WRN: variants seen among roughly 807,000 people sequenced by gnomAD.
The protein encoded by WRN is bifunctional 3'-5' exonuclease/ATP-dependent helicase WRN.
A neutral mutation model predicts 180.7 loss-of-function variants in WRN; 149 were observed. The ratio of observed to expected loss-of-function variants is 0.82; its 90% CI spans 0.72 to 0.94. The LOEUF (loss-of-function observed/expected upper bound fraction) is 0.94, where lower values mean the gene tolerates loss of function less well. WRN is among the 40% of genes least tolerant of loss of function. The pLI is 0.00. For synonymous variants in WRN, 548 were observed against 568.9 expected (o/e 0.96, Z 0.52); for missense variants, 1,661 against 1,700.1 (o/e 0.98, Z 0.40).
intron 31 of WRN, among the ~76,000 whole-genome samples, chr8:31,153,650 T>C (rs1007542646): frequency 5.9e-5 from 9 of 152,178 alleles, no homozygotes; most frequent in Non-Finnish European, 1.0e-4. Context: ...TTTTATTGCC[T>C]TGGGTCAGAT....
chr8:31,064,247 A>C, intron 3 of WRN, 42 bp from the exon 4 acceptor site: 2 of 1,611,264 alleles, frequency 1.2e-6, no homozygotes, highest in Non-Finnish European at 8.5e-7. Context: ...AGAAGTTTAA[A>C]ATTTTAACAT....
At position 31,141,598 on chromosome 8, in the gene WRN, AAG is replaced by A. The variant is rs1340330118; in HGVS notation, c.3137_3138del (p.Lys1046ArgfsTer2). ...TATGAAGATTTGCGCCCTTACGAAA[AAG>A]GTAAACGGTGTAGGAGTCTGCCTGT... Reference protein sequence around the residue: ...KFMKICALTKKGRNWLHKANT... With the variant: ...KFMKICALTKXGRNWLHKANT... On this transcript the variant is annotated frameshift_variant and splice_region_variant, in exon 25 of 35. Coordinates refer to ENST00000298139, the MANE Select transcript of WRN (RefSeq NM_000553.6). LOFTEE classifies it high-confidence loss of function. The A allele has an allele frequency of 6.2e-7, 1 of 1,614,132 alleles. No individual in the cohort carries two copies. The highest frequency in any genetic ancestry group is 1.7e-5 in the Admixed American group (1 of 60,012).
At position 31,142,644 on chromosome 8, in the gene WRN, G is replaced by C. The variant is rs1487621362; in HGVS notation, c.3252G>C (p.Ser1084=). The change falls in exon 27 of 35, where the codon TCG becomes TCC. Residue 1084 remains serine, a synonymous_variant. Coordinates refer to ENST00000298139, the MANE Select transcript of WRN (RefSeq NM_000553.6). ...LLLPSSKTVS[S]GTKEHCYNQV... is the part of the protein sequence containing the mutation. Reference sequence around the variant, plus strand: ...TTTTTAGTTCGAAAACTGTATCTTCGGGCACCAAAGAGCATTGTTATAATC... The same window carrying C: ...TTTTTAGTTCGAAAACTGTATCTTCCGGCACCAAAGAGCATTGTTATAATC... The C allele has an allele frequency of 6.3e-7, 1 of 1,597,216 alleles. No homozygotes were observed. Among genetic ancestry groups the C allele is most frequent in the African/African-American group, 1.3e-5 (1 of 74,440 alleles).
At position 31,174,796 on chromosome 8, in the gene WRN, C is replaced by CTTCCTTCCTTCCTTCCTTA. The variant is rs1804218443; in HGVS notation, c.*1694_*1695insTTCCTTCCTTCCTTCCTTA. Among the ~76,000 whole-genome samples, 1 of 35,338 alleles carries CTTCCTTCCTTCCTTCCTTA rather than the reference C, an allele frequency of 2.8e-5. No homozygotes were observed. Among genetic ancestry groups the CTTCCTTCCTTCCTTCCTTA allele is most frequent in the Non-Finnish European group, 7.4e-5 (1 of 13,478 alleles). 23.2% of individuals were successfully genotyped at this position (35,338 alleles called of 152,430 possible). A position where few individuals can be genotyped will look rare whatever the true frequency, so the allele number is the denominator to read the frequency against. Reference sequence around the variant, plus strand: ...TCTTTCCTTCCTTCCCTTCCCTTCCCCTTCCTTCCTTCCTTCCTTCCTTCC... The same window carrying CTTCCTTCCTTCCTTCCTTA: ...TCTTTCCTTCCTTCCCTTCCCTTCCCTTCCTTCCTTCCTTCCTTACTTCCTTCCTTCCTTCCTTCCTTCC... On this transcript the variant is annotated 3_prime_UTR_variant, in exon 35 of 35. Transcript: ENST00000298139.
chr8:31,034,288 A>G (rs1449667366), intron 1 of WRN, among the ~76,000 whole-genome samples: 1 of 152,172 alleles, frequency 6.6e-6, no homozygotes, highest in Non-Finnish European at 1.5e-5. Flanking sequence ...TTGAGCCACT[A>G]CAGGTCTGCA....
At chr8:31,079,340 G>C (rs1434289906) in intron 8 of WRN, among the ~76,000 whole-genome samples, 1 of 152,126 alleles carries the variant, frequency 6.6e-6, no homozygotes, top group Non-Finnish European at 1.5e-5. Context: ...AAATTTAAAA[G>C]ACATGTCAGA....
At chr8:31,090,013 A>G (rs1030461362) in intron 13 of WRN, among the ~76,000 whole-genome samples, 3 of 151,916 alleles carry the variant, frequency 2.0e-5, no homozygotes, top group Non-Finnish European at 4.4e-5. Context: ...ATTTGCACGT[A>G]AGGAAATATA....
At position 31,174,381 on chromosome 8, in the gene WRN, AG is replaced by A. The variant is rs1384036273; in HGVS notation, c.*1280del. Among the ~76,000 whole-genome samples the A allele has an allele frequency of 3.9e-5, 6 of 152,192 alleles. No homozygotes were observed. Among genetic ancestry groups the A allele is most frequent in the African/African-American group, 1.2e-4 (5 of 41,454 alleles). On this transcript the variant is annotated 3_prime_UTR_variant, in exon 35 of 35. Transcript: ENST00000298139. Reference sequence around the variant, plus strand: ...GGAGAAGCACTTGTTTGATTATTTGAGTTGCCAATTGAATTTGCTGCTTTTT... The same window carrying A: ...GGAGAAGCACTTGTTTGATTATTTGATTGCCAATTGAATTTGCTGCTTTTT...
rs1554520258 is a variant in WRN at position 31,076,167 on chromosome 8, C to T, written c.725-6C>T. 1.2e-6 allele frequency: 2 copies of T among 1,606,970 alleles called. No individual in the cohort carries two copies. The highest frequency in any genetic ancestry group is 1.7e-6 in the Non-Finnish European group (2 of 1,173,804). On this transcript the variant is annotated splice_region_variant and splice_polypyrimidine_tract_variant and intron_variant, in intron 7 of 34. Transcript: ENST00000298139. ...GAAAATTAATATTGATTTTTTTTCCCCCTAGAGGAAGAAATCCTACTTAGC... is the reference window on the plus strand; with the variant it reads ...GAAAATTAATATTGATTTTTTTTCCTCCTAGAGGAAGAAATCCTACTTAGC...
At chr8:31,085,819 G>T (rs1585434196) in intron 11 of WRN, among the ~76,000 whole-genome samples, 1 of 151,988 alleles carries the variant, frequency 6.6e-6, no homozygotes, top group East Asian at 1.9e-4. Context: ...CTGGAATATG[G>T]GTAGTGATTT....
At chr8:31,094,344 C>T (rs1585445601) in intron 16 of WRN, among the ~76,000 whole-genome samples, 1 of 149,522 alleles carries the variant, frequency 6.7e-6, no homozygotes, top group East Asian at 2.0e-4. Context: ...CTTTTCTTTT[C>T]TTTCTTTTTT....
intron 1 of WRN, 85 bp downstream of exon 1, chr8:31,034,058 T>G (rs1811346488): frequency 6.6e-6 from 1 of 152,246 alleles, no homozygotes; most frequent in Non-Finnish European, 1.5e-5. Flanking sequence ...GTGGAGGCGC[T>G]TAGGCCCGCG....
At chr8:31,106,520 C>T (rs553335016) in intron 18 of WRN, among the ~76,000 whole-genome samples, 4 of 152,266 alleles carry the variant, frequency 2.6e-5, no homozygotes, top group East Asian at 3.9e-4. Context: ...TGTTTTTCTT[C>T]GGACATTCCA....
rs1441274369 is a variant in WRN at position 31,058,455 on chromosome 8, A to G, written c.8A>G (p.Glu3Gly). MS[E>G]KKLETTAQQR... is the part of the protein sequence containing the mutation. ...AAATAGGACATTTCAAAGATGAGTG[A>G]AAAAAAATTGGAAACAACTGCACAG... Residue 3 changes from glutamate (E) to glycine (G), a missense_variant, in exon 2 of 35, where the codon GAA becomes GGA. Physicochemically the swap from Glu to Gly is moderately conservative, Grantham distance 98. Transcript: ENST00000298139. 2 of 1,609,714 alleles carry G rather than the reference A, an allele frequency of 1.2e-6. No individual in the cohort carries two copies. Among genetic ancestry groups the G allele is most frequent in the Admixed American group, 1.7e-5 (1 of 59,834 alleles).
intron 34 of WRN, among the ~76,000 whole-genome samples, chr8:31,170,835 G>C (rs1238370866): frequency 6.6e-6 from 1 of 152,086 alleles, no homozygotes; most frequent in Non-Finnish European, 1.5e-5. Flanking sequence ...CACACTTAGT[G>C]TAAGTAAGCA....
intron 18 of WRN, among the ~76,000 whole-genome samples, chr8:31,101,565 T>A (rs951916832): frequency 6.6e-6 from 1 of 152,102 alleles, no homozygotes; most frequent in Non-Finnish European, 1.5e-5. Flanking sequence ...GGTGGGTGGA[T>A]CACCTGAGGT....
chr8:31,072,708 T>TAGAAC (rs1378961468), intron 7 of WRN, among the ~76,000 whole-genome samples: 1 of 152,212 alleles, frequency 6.6e-6, no homozygotes, highest in Non-Finnish European at 1.5e-5. Context: ...TCTAGAAGCT[T>TAGAAC]AGTTTGGAAA....
chr8:31,064,063 A>T (rs1479689272), intron 3 of WRN, among the ~76,000 whole-genome samples: 1 of 151,890 alleles, frequency 6.6e-6, no homozygotes, highest in Non-Finnish European at 1.5e-5. Flanking sequence ...TTCTTTTGGG[A>T]ATTACCTGTT....
intron 1 of WRN, among the ~76,000 whole-genome samples, chr8:31,045,901 T>A (rs1288476763): frequency 6.6e-6 from 1 of 152,218 alleles, no homozygotes; most frequent in African/African-American, 2.4e-5. Context: ...TGTATTGATT[T>A]AATTAATATA....
Sources: allele counts gnomAD v4.1 joint callset (sites outside exome capture counted in the v4.1 genomes callset), GRCh38; gene constraint gnomAD v4.1.1; transcripts MANE v1.5; gene names NCBI Gene and HGNC (gene_info 2026-07-23, HGNC 2026-07-21).